The following CYP2S1 variants were observed in gnomAD, a reference collection of about 807,000 sequenced individuals.
CYP2S1 encodes cytochrome P450 2S1.
A neutral mutation model predicts 43.5 loss-of-function variants in CYP2S1; 32 were observed. The ratio of observed to expected loss-of-function variants is 0.74; its 90% CI spans 0.56 to 0.99. The LOEUF (loss-of-function observed/expected upper bound fraction) is 0.99. Among genes scored for constraint, CYP2S1 ranks in the 50% least tolerant of loss-of-function variants. The probability of loss-of-function intolerance (pLI) is 0.00; values close to 1 mark genes in which losing one functional copy is unlikely to be tolerated. For synonymous variants in CYP2S1, 283 were observed against 302.9 expected, an observed-to-expected ratio of 0.93 and a Z score of 0.68; for missense variants, 575 against 673.9, an observed-to-expected ratio of 0.85 and a Z score of 1.62.
intron 6 of CYP2S1, among the ~76,000 whole-genome samples, chr19:41,202,257 G>A (rs1254204247): frequency 1.3e-5 from 2 of 152,058 alleles, no homozygotes; most frequent in African/African-American, 4.8e-5. Flanking sequence ...CAAAGTGCTG[G>A]GATTACAGGC....
At position 41,198,121 on chromosome 19, in the gene CYP2S1, A is replaced by G. The variant is rs1487240655; in HGVS notation, c.493+193A>G. 6.6e-6 allele frequency among the ~76,000 whole-genome samples: 1 copy of G among 151,856 alleles called. No individual in the cohort carries two copies. Among genetic ancestry groups the G allele is most frequent in the Non-Finnish European group, 1.5e-5 (1 of 67,972 alleles). On this transcript the variant is annotated intron_variant, in intron 3 of 8. Transcript: ENST00000310054. The surrounding 1 kb of genome is among the most constrained non-coding windows in gnomAD (Gnocchi z 4.9). ...CCACTGTCTCTCCGAGGCTGTCATGACATCTCTCTGTGTGTCTCTGGTGCT... is the reference window on the plus strand; with the variant it reads ...CCACTGTCTCTCCGAGGCTGTCATGGCATCTCTCTGTGTGTCTCTGGTGCT...
At chr19:41,205,350 C>CTTTCTTTCTTTCT (rs1555727554) in intron 7 of CYP2S1, among the ~76,000 whole-genome samples, 1 of 105,022 alleles carries the variant, frequency 9.5e-6, no homozygotes, top group African/African-American at 6.7e-5. Context: ...TTTTTTCTTT[C>CTTTCTTTCTTTCT]TTTCTTTCTT....
chr19:41,193,677 G>T (rs1017353123), intron 1 of CYP2S1: 2 of 762,710 alleles, frequency 2.6e-6, no homozygotes, highest in Non-Finnish European at 3.6e-6. Context: ...GCTAGGAGGG[G>T]CAGAGACCTC....
chr19:41,201,152 C>T (rs1017550726), intron 5 of CYP2S1, 79 bp from the exon 6 acceptor site: 5 of 1,526,908 alleles, frequency 3.3e-6, no homozygotes, highest in African/African-American at 1.4e-5. Flanking sequence ...CTTGTGTTTC[C>T]GACCCCAGGC....
Position 41,193,249 on chromosome 19 carries a change from G to C in CYP2S1, c.-16G>C. 2 of 1,530,920 alleles carry C rather than the reference G, an allele frequency of 1.3e-6. No homozygotes were observed. The highest frequency in any genetic ancestry group is 1.2e-5 in the South Asian group (1 of 83,414). The allele number at this position is 1,530,920 out of a possible 1,614,324, so 94.8% of individuals were successfully genotyped here. ...CGCGGAGCGCCTGGGAGAGGAGAAG[G>C]AGCCGACCTGCCGAGATGGAGGCGA... On this transcript the variant is annotated 5_prime_UTR_variant, in exon 1 of 9. Coordinates refer to ENST00000310054, the MANE Select transcript of CYP2S1 (RefSeq NM_030622.8).
chr19:41,206,050 T>C lies in CYP2S1; in HGVS notation c.1257T>C (p.Asp419=), dbSNP rs1386616566. 6 of 1,614,120 alleles carry C rather than the reference T, an allele frequency of 3.7e-6. No homozygotes were observed. The highest frequency in any genetic ancestry group is 5.1e-6 in the Non-Finnish European group (6 of 1,180,034). ...AGTTCAACCCAGACCGTTTCCTGGA[T>C]GCAGATGGACGGTTCAGGAAGCATG... ...PEEFNPDRFL[D]ADGRFRKHEA... is the part of the protein sequence containing the mutation. Residue 419 remains aspartate, a synonymous_variant, in exon 8 of 9, where the codon GAT becomes GAC. Transcript: ENST00000310054.
rs1195256054 is a variant in CYP2S1, at chr19:41,204,597, T to C, written c.1164+960T>C. On this transcript the variant is annotated intron_variant, in intron 7 of 8. Transcript: ENST00000310054. ...ATTTTCTTTTTCTTCTTCTTCTTTT[T>C]TTTTTTTTTTTTTTTTCCGAGATGG... Among the ~76,000 whole-genome samples the C allele has an allele frequency of 3.9e-4, 57 of 146,078 alleles. No individual in the cohort carries two copies. In the South Asian group the frequency reaches 5.4e-3, roughly 14 times the overall value.
In CYP2S1 at chr19:41,193,379, C is replaced by A. The variant is rs1267463818; in HGVS notation, c.115C>A (p.Leu39Ile). ...RGHLPPGPTP[L>I]PLLGNLLQLR... ...CCACCTGCCCCCCGGGCCCACGCCGCTACCACTGCTGGGAAACCTCCTGCA... is the reference window on the plus strand; with the variant it reads ...CCACCTGCCCCCCGGGCCCACGCCGATACCACTGCTGGGAAACCTCCTGCA... Residue 39 changes from leucine (L) to isoleucine (I), a missense_variant, in exon 1 of 9, where the codon CTA becomes ATA. Physicochemically the swap from Leu to Ile is conservative, Grantham distance 5. Around this residue, in one of 2 missense-constraint regions of CYP2S1, gnomAD observed 353 missense variants for 367.6 expected, o/e 0.96. Coordinates refer to ENST00000310054, the MANE Select transcript of CYP2S1 (RefSeq NM_030622.8). The A allele has an allele frequency of 1.3e-6, 2 of 1,532,456 alleles. No homozygotes were observed. The highest frequency in any genetic ancestry group is 2.4e-5 in the South Asian group (2 of 82,830). The allele number at this position is 1,532,456 out of a possible 1,614,324, so 94.9% of individuals were successfully genotyped here. A position where few individuals can be genotyped will look rare whatever the true frequency, so the allele number is the denominator to read the frequency against.
chr19:41,199,219 A>G (rs1053107522), intron 5 of CYP2S1, among the ~76,000 whole-genome samples: 1 of 152,076 alleles, frequency 6.6e-6, no homozygotes, highest in Non-Finnish European at 1.5e-5. Flanking sequence ...AGCAATCCCC[A>G]GGATCACTTC....
Position 41,193,315 on chromosome 19 carries a change from G to C in CYP2S1, c.51G>C (p.Leu17=). ...WALLLALALL[L]LLTLALSGTR... ...TGCTGCTGGCGCTGGCGCTGCTCCT[G>C]CTGCTGACGCTGGCGCTGTCCGGGA... Residue 17 remains leucine (L), a synonymous_variant, in exon 1 of 9, where the codon CTG becomes CTC. Transcript: ENST00000310054. 1 of 1,541,772 alleles carries C rather than the reference G, an allele frequency of 6.5e-7. No individual in the cohort carries two copies.
chr19:41,193,698 A>T (rs879765948), intron 1 of CYP2S1: 1 of 579,774 alleles, frequency 1.7e-6, no homozygotes, highest in Non-Finnish European at 2.5e-6. Flanking sequence ...TGCCTACAGA[A>T]TCCTGGGAAG....
chr19:41,205,221 T>C (rs1388370923), intron 7 of CYP2S1, among the ~76,000 whole-genome samples: 1 of 152,144 alleles, frequency 6.6e-6, no homozygotes, highest in East Asian at 1.9e-4. Context: ...ATAAGGAAAC[T>C]GAGAGCTTGA....
intron 2 of CYP2S1, among the ~76,000 whole-genome samples, chr19:41,195,975 T>C (rs2033408234): frequency 6.6e-6 from 1 of 151,966 alleles, no homozygotes; most frequent in African/African-American, 2.4e-5. Flanking sequence ...TGTCCTCTCC[T>C]ACTGTGGGAG....
In CYP2S1 at chr19:41,198,681, T is replaced by A; in HGVS notation, c.655-28T>A. 2.8e-5 allele frequency: 45 copies of A among 1,613,550 alleles called. No individual in the cohort carries two copies. The highest frequency in any genetic ancestry group is 3.6e-5 in the Non-Finnish European group (43 of 1,179,690). The stretch of plus-strand genomic sequence containing the variant: ...CCTGAAGGTTCCTGCCAAGGTCCCA[T>A]GAGAACTAGCTGCCCTTCTCCCCAC... On this transcript the variant is annotated intron_variant, in intron 4 of 8. Coordinates refer to ENST00000310054, the MANE Select transcript of CYP2S1 (RefSeq NM_030622.8). This position sits in a 1 kb window ranked among gnomAD's most constrained non-coding sequence, Gnocchi z 4.9.
rs770099961 is a variant in CYP2S1, at chr19:41,203,487, T to A, written c.1014T>A (p.Ala338=). ...VREELNRELG[A]GQAPSLGDRT... is the part of the protein sequence containing the mutation. Reference sequence around the variant, plus strand: ...AGGAGCTGAATCGGGAGCTGGGGGCTGGCCAGGCACCAAGCCTAGGGGACC... The same window carrying A: ...AGGAGCTGAATCGGGAGCTGGGGGCAGGCCAGGCACCAAGCCTAGGGGACC... The change falls in exon 7 of 9, where the codon GCT becomes GCA. Residue 338 remains alanine (A), a synonymous_variant. Transcript: ENST00000310054. 6.2e-7 allele frequency: 1 copy of A among 1,608,222 alleles called. No homozygotes were observed. Among genetic ancestry groups the A allele is most frequent in the Non-Finnish European group, 8.5e-7 (1 of 1,177,442 alleles).
chr19:41,193,691 C>A, intron 1 of CYP2S1: 1 of 632,576 alleles, frequency 1.6e-6, no homozygotes, highest in Non-Finnish European at 2.2e-6. Flanking sequence ...AGACCTCTGC[C>A]TACAGAATCC....
intron 6 of CYP2S1, among the ~76,000 whole-genome samples, chr19:41,202,926 C>T (rs1337630197): frequency 3.3e-5 from 5 of 151,918 alleles, no homozygotes; most frequent in Non-Finnish European, 7.4e-5. Flanking sequence ...CATGGTGAAA[C>T]CCTGTCTCTA....
At chr19:41,196,996 G>A (rs1040841341) in intron 2 of CYP2S1, among the ~76,000 whole-genome samples, 18 of 151,864 alleles carry the variant, frequency 1.2e-4, no homozygotes, top group African/African-American at 4.8e-5. Flanking sequence ...AGGAGTTCAA[G>A]ACCAGCCTAG....
rs777549360 is a variant in CYP2S1, at chr19:41,198,694, C to T, written c.655-15C>T. On this transcript the variant is annotated splice_polypyrimidine_tract_variant and intron_variant, in intron 4 of 8. Transcript: ENST00000310054. The surrounding 1 kb of genome is among the most constrained non-coding windows in gnomAD (Gnocchi z 4.9). ...GCCAAGGTCCCATGAGAACTAGCTG[C>T]CCTTCTCCCCACAGACCTACGAGAT... The T allele has an allele frequency of 3.7e-6, 6 of 1,613,564 alleles. No homozygotes were observed. Among genetic ancestry groups the T allele is most frequent in the Non-Finnish European group, 5.1e-6 (6 of 1,179,694 alleles).
Sources: gnomAD v4.1 joint callset for allele counts (sites outside exome capture counted in the v4.1 genomes callset) on GRCh38, gnomAD v4.1.1 for gene constraint, gnomAD v4.1.1 regional missense constraint, Gnocchi (gnomAD v3.1) non-coding constraint, MANE v1.5 for transcripts, NCBI Gene and HGNC (gene_info 2026-07-23, HGNC 2026-07-21) for gene names.